The following NME7 variants were observed in gnomAD, a reference collection of about 807,000 sequenced individuals.
NME7 encodes NME/NM23 family member 7, also known as nucleoside diphosphate kinase 7.
Under a neutral mutation model 49.1 loss-of-function variants are expected in NME7, and 41 were observed. That is an observed-to-expected ratio of 0.83 (90% CI 0.65 to 1.08). The LOEUF (loss-of-function observed/expected upper bound fraction) is 1.08. Among genes scored for constraint, NME7 ranks in the 50% least tolerant of loss-of-function variants. NME7 has a pLI of 0.00. For synonymous variants in NME7, 139 were observed against 150.6 expected, an observed-to-expected ratio of 0.92 and a Z score of 0.56; for missense variants, 423 against 463.4, an observed-to-expected ratio of 0.91 and a Z score of 0.80.
chr1:169,150,861 T>C (rs1008228122), intron 11 of NME7, among the ~76,000 whole-genome samples: 2 of 152,160 alleles, frequency 1.3e-5, no homozygotes, highest in African/African-American at 4.8e-5. Context: ...TAATTTGCTC[T>C]TCAAACATAA....
At chr1:169,246,004 GT>G (rs1282657475) in intron 7 of NME7, among the ~76,000 whole-genome samples, 1 of 152,124 alleles carries the variant, frequency 6.6e-6, no homozygotes, top group Non-Finnish European at 1.5e-5. Context: ...ACTCAGATTG[GT>G]TTAAGCTACA....
At chr1:169,142,054 G>A (rs1658611550) in intron 11 of NME7, among the ~76,000 whole-genome samples, 1 of 152,194 alleles carries the variant, frequency 6.6e-6, no homozygotes, top group African/African-American at 2.4e-5. Context: ...TTGGTAGGAG[G>A]AGAAGCTGGG....
chr1:169,168,613 T>C (rs934801602), intron 11 of NME7, among the ~76,000 whole-genome samples: 15 of 152,202 alleles, frequency 9.9e-5, no homozygotes, highest in South Asian at 6.2e-4. Flanking sequence ...CTTAATTTCA[T>C]TGGAAAACAG....
At chr1:169,348,896 C>CCA (rs1553196864) in intron 1 of NME7, among the ~76,000 whole-genome samples, 2 of 147,350 alleles carry the variant, frequency 1.4e-5, no homozygotes, top group Admixed American at 1.3e-4. Context: ...AGAGTTAACT[C>CCA]AAAAAAAAAA....
At chr1:169,269,870 T>C (rs1169057340) in intron 7 of NME7, among the ~76,000 whole-genome samples, 1 of 134,416 alleles carries the variant, frequency 7.4e-6, no homozygotes, top group African/African-American at 2.5e-5. Flanking sequence ...AATAGAATTA[T>C]TTTTTACAAC....
chr1:169,173,672 A>G lies in NME7; in HGVS notation c.991-4118T>C, dbSNP rs77724235. On this transcript the variant is annotated intron_variant, in intron 10 of 11. Transcript: ENST00000367811. ...AAAATATTAAAAAATACTAAAAGTGAGAGTGAAATAATAACAGCACTTCCC... is the reference window on the plus strand; with the variant it reads ...AAAATATTAAAAAATACTAAAAGTGGGAGTGAAATAATAACAGCACTTCCC... Among the ~76,000 whole-genome samples the G allele has an allele frequency of 2.1e-3, 320 of 152,284 alleles. 9 individuals are homozygous for G. The East Asian group carries it at 0.052, about 25-fold the overall frequency.
At chr1:169,279,957 T>C (rs1351377643) in intron 7 of NME7, among the ~76,000 whole-genome samples, 1 of 152,360 alleles carries the variant, frequency 6.6e-6, no homozygotes, top group East Asian at 1.9e-4. Context: ...GAATGATTTA[T>C]AACCCTTTGG....
intron 3 of NME7, among the ~76,000 whole-genome samples, chr1:169,314,923 C>T (rs781758059): frequency 6.6e-6 from 1 of 152,058 alleles, no homozygotes; most frequent in African/African-American, 2.4e-5. Flanking sequence ...AGAGAAAGTA[C>T]AGTTTAAAGT....
In NME7 at chr1:169,210,306, T is replaced by TG. The variant is rs1411154030; in HGVS notation, c.990+20411dup. Among the ~76,000 whole-genome samples, 4 of 152,190 alleles carry TG rather than the reference T, an allele frequency of 2.6e-5. No homozygotes were observed. In the East Asian group the frequency reaches 7.7e-4, roughly 29 times the overall value. Reference sequence around the variant, plus strand: ...ACACTAGAAGATATGCCTGAATATATGAAAGTATTGTTGATATTATTCCAA... The same window carrying TG: ...ACACTAGAAGATATGCCTGAATATATGGAAAGTATTGTTGATATTATTCCAA... On this transcript the variant is annotated intron_variant, in intron 10 of 11. Coordinates refer to ENST00000367811, the MANE Select transcript of NME7 (RefSeq NM_013330.5).
intron 10 of NME7, among the ~76,000 whole-genome samples, chr1:169,196,635 A>C (rs978393559): frequency 6.6e-6 from 1 of 152,224 alleles, no homozygotes; most frequent in African/African-American, 2.4e-5. Context: ...TGAAATTTAG[A>C]GATTTAATAT....
intron 10 of NME7, among the ~76,000 whole-genome samples, chr1:169,208,153 A>T (rs566949758): frequency 1.3e-5 from 2 of 152,110 alleles, no homozygotes; most frequent in Non-Finnish European, 2.9e-5. Context: ...ATCTTATTTG[A>T]TCGTAAATTT....
chr1:169,183,781 G>A (rs150291906), intron 10 of NME7, among the ~76,000 whole-genome samples: 2,290 of 151,654 alleles, frequency 0.015, 49 homozygotes, highest in African/African-American at 0.05. Context: ...CAGCCTAGGC[G>A]ACAGAGCGAG....
chr1:169,279,772 T>C (rs1649926539), intron 7 of NME7, among the ~76,000 whole-genome samples: 1 of 152,246 alleles, frequency 6.6e-6, no homozygotes, highest in African/African-American at 2.4e-5. Flanking sequence ...ATCACCCATC[T>C]TCTGTGTCAC....
chr1:169,138,822 A>T (rs1479612316), intron 11 of NME7, among the ~76,000 whole-genome samples: 7 of 152,218 alleles, frequency 4.6e-5, no homozygotes, highest in African/African-American at 1.4e-4. Flanking sequence ...CCCTTTTAAA[A>T]GCTGGAAGGT....
At chr1:169,314,577 A>AT (rs200539193) in intron 3 of NME7, among the ~76,000 whole-genome samples, 2 of 152,116 alleles carry the variant, frequency 1.3e-5, no homozygotes, top group East Asian at 3.8e-4. Flanking sequence ...TACGTTACAA[A>AT]TAAGTGCTCT....
intron 10 of NME7, among the ~76,000 whole-genome samples, 188 bp downstream of exon 10, chr1:169,230,529 CA>C (rs541395907): frequency 1.3e-5 from 2 of 151,738 alleles, no homozygotes; most frequent in East Asian, 3.9e-4. Flanking sequence ...ACTAAGTTAA[CA>C]AAAAAAATTA....
chr1:169,323,866 CAA>C (rs1651953252), intron 2 of NME7, among the ~76,000 whole-genome samples: 1 of 94,108 alleles, frequency 1.1e-5, no homozygotes, highest in Admixed American at 1.7e-4. Context: ...TTTTTTGAGA[CAA>C]GAGTCTCATG....
chr1:169,221,934 T>G lies in NME7; in HGVS notation c.990+8784A>C, dbSNP rs577994603. Among the ~76,000 whole-genome samples, 27 of 152,238 alleles carry G rather than the reference T, an allele frequency of 1.8e-4. 1 individual carries two copies. Among genetic ancestry groups the G allele is most frequent in the Admixed American group, 1.2e-3 (19 of 15,274 alleles). Reference sequence around the variant, plus strand: ...TGTTTGTTTTATTTTTGTTTGTTTGTTTGTTTTTAAATAGAGACAGGGTCT... The same window carrying G: ...TGTTTGTTTTATTTTTGTTTGTTTGGTTGTTTTTAAATAGAGACAGGGTCT... On this transcript the variant is annotated intron_variant, in intron 10 of 11. Transcript: ENST00000367811.
chr1:169,298,234 A>G (rs551691578), intron 6 of NME7, among the ~76,000 whole-genome samples: 118 of 152,300 alleles, frequency 7.7e-4, no homozygotes, highest in South Asian at 1.7e-3. Flanking sequence ...TTTAATATCT[A>G]CTAGCCATAA....
Sources: gnomAD v4.1 joint callset for allele counts (sites outside exome capture counted in the v4.1 genomes callset) on GRCh38, gnomAD v4.1.1 for gene constraint, MANE v1.5 for transcripts, NCBI Gene and HGNC (gene_info 2026-07-23, HGNC 2026-07-21) for gene names.